CNTNAP5: variants seen among roughly 807,000 people sequenced by gnomAD.
CNTNAP5 encodes the protein contactin associated protein family member 5.
CNTNAP5 carries 72 observed loss-of-function variants against 150.2 expected under a neutral mutation model. The observed-to-expected ratio is 0.48, with a 90% CI of 0.40 to 0.58. The LOEUF is 0.58. Ranked by LOEUF, CNTNAP5 falls within the 20% of genes least tolerant of loss-of-function variation. The pLI, the probability that CNTNAP5 is intolerant of heterozygous loss-of-function variation, is 0.00. For synonymous variants in CNTNAP5, 672 were observed against 619.8 expected, an observed-to-expected ratio of 1.08 and a Z score of -1.25; for missense variants, 1,636 against 1,626.2, an observed-to-expected ratio of 1.01 and a Z score of -0.10.
intron 1 of CNTNAP5, among the ~76,000 whole-genome samples, chr2:124,082,996 A>T (rs1682593952): frequency 6.6e-6 from 1 of 152,096 alleles, no homozygotes; most frequent in African/African-American, 2.4e-5. Flanking sequence ...TCATTTACTT[A>T]CTGTTGTTTT....
intron 3 of CNTNAP5, among the ~76,000 whole-genome samples, chr2:124,386,853 A>C (rs1051412961): frequency 2.6e-5 from 4 of 152,148 alleles, no homozygotes; most frequent in African/African-American, 4.8e-5. Context: ...CCCTAATCCC[A>C]ATGTGATTGT....
chr2:124,208,411 TC>T (rs1331565421), intron 1 of CNTNAP5, among the ~76,000 whole-genome samples: 1 of 152,230 alleles, frequency 6.6e-6, no homozygotes, highest in Non-Finnish European at 1.5e-5. Flanking sequence ...TATACTTACC[TC>T]CATGTAATAC....
At chr2:124,745,426 T>C (rs1018217921) in intron 13 of CNTNAP5, among the ~76,000 whole-genome samples, 6 of 152,112 alleles carry the variant, frequency 3.9e-5, no homozygotes, top group African/African-American at 1.2e-4. Context: ...TACAAAATGC[T>C]TCACCCTCAT....
chr2:124,908,699 G>T (rs1678591552), intron 22 of CNTNAP5, among the ~76,000 whole-genome samples: 2 of 152,098 alleles, frequency 1.3e-5, no homozygotes, highest in African/African-American at 2.4e-5. Flanking sequence ...GTAGCATGTG[G>T]TACCTCTTGC....
intron 13 of CNTNAP5, among the ~76,000 whole-genome samples, chr2:124,743,048 C>T (rs907756257): frequency 6.6e-6 from 1 of 152,144 alleles, no homozygotes; most frequent in Non-Finnish European, 1.5e-5. Context: ...ATGTCACATG[C>T]AGGCAGCTGG....
intron 19 of CNTNAP5, among the ~76,000 whole-genome samples, chr2:124,825,038 C>G (rs1682563514): frequency 1.3e-5 from 2 of 152,154 alleles, no homozygotes; most frequent in Admixed American, 1.3e-4. Context: ...ATATTCTTAA[C>G]TATTGTAAAA....
chr2:124,800,149 TAGTC>T (rs1438940977), intron 19 of CNTNAP5, among the ~76,000 whole-genome samples: 12 of 152,162 alleles, frequency 7.9e-5, no homozygotes, highest in Non-Finnish European at 1.0e-4. Context: ...GGTTTCCCAA[TAGTC>T]AGCCAGCAGC....
intron 19 of CNTNAP5, among the ~76,000 whole-genome samples, chr2:124,806,965 T>C (rs1682095073): frequency 6.6e-6 from 1 of 151,958 alleles, no homozygotes; most frequent in South Asian, 2.1e-4. Context: ...GATTGAATGT[T>C]TAGCTTTTGG....
intron 13 of CNTNAP5, among the ~76,000 whole-genome samples, chr2:124,706,779 GAAGA>G (rs1679652243): frequency 2.9e-5 from 1 of 34,872 alleles, no homozygotes; most frequent in Non-Finnish European, 5.5e-5. Context: ...AGAAGAAGAA[GAAGA>G]AGAAGAAGAA....
At chr2:124,557,678 T>C (rs1339076558) in intron 10 of CNTNAP5, among the ~76,000 whole-genome samples, 1 of 151,906 alleles carries the variant, frequency 6.6e-6, no homozygotes, top group Admixed American at 6.6e-5. Flanking sequence ...CAGAAGATAA[T>C]ACACACTAAA....
chr2:124,064,499 C>T (rs2104657046), intron 1 of CNTNAP5, among the ~76,000 whole-genome samples: 1 of 152,266 alleles, frequency 6.6e-6, no homozygotes, highest in South Asian at 2.1e-4. Flanking sequence ...AGGGTCTTTG[C>T]ATACCTGGAT....
intron 3 of CNTNAP5, among the ~76,000 whole-genome samples, chr2:124,262,590 A>C (rs1687485962): frequency 6.6e-6 from 1 of 152,052 alleles, no homozygotes; most frequent in African/African-American, 2.4e-5. Flanking sequence ...TTTGCAGGTC[A>C]TTGAAAAGAC....
At chr2:124,676,986 A>T (rs72845079) in intron 13 of CNTNAP5, among the ~76,000 whole-genome samples, 3,248 of 152,198 alleles carry the variant, frequency 0.021, 44 homozygotes, top group Middle Eastern at 0.037. Context: ...TCAGTTCTTG[A>T]CATTTTGGAA....
At chr2:124,356,553 C>A (rs939805819) in intron 3 of CNTNAP5, among the ~76,000 whole-genome samples, 3 of 148,922 alleles carry the variant, frequency 2.0e-5, no homozygotes, top group Non-Finnish European at 4.4e-5. Context: ...TGAGAATATG[C>A]GGTGTTTGGT....
intron 2 of CNTNAP5, among the ~76,000 whole-genome samples, chr2:124,222,212 AT>A (rs1686339106): frequency 6.6e-6 from 1 of 152,062 alleles, no homozygotes; most frequent in African/African-American, 2.4e-5. Context: ...AATATTGCTG[AT>A]TTTTAAAATA....
At chr2:124,827,406 C>T (rs1573643593) in intron 19 of CNTNAP5, among the ~76,000 whole-genome samples, 2 of 152,234 alleles carry the variant, frequency 1.3e-5, no homozygotes, top group South Asian at 4.2e-4. Context: ...TCTGAGCAGC[C>T]AAGTCAGTGC....
intron 1 of CNTNAP5, among the ~76,000 whole-genome samples, chr2:124,212,666 T>A (rs1220565261): frequency 6.6e-6 from 1 of 152,128 alleles, no homozygotes; most frequent in African/African-American, 2.4e-5. Flanking sequence ...GTCAGAGTGA[T>A]GCCTTTGGAG....
chr2:124,540,814 T>C (rs1451632731), intron 10 of CNTNAP5, among the ~76,000 whole-genome samples: 9 of 152,094 alleles, frequency 5.9e-5, no homozygotes, highest in African/African-American at 2.2e-4. Context: ...GAAAGCTCCA[T>C]GGAAGGACAC....
chr2:124,594,254 G>A (rs1188179337), intron 11 of CNTNAP5, among the ~76,000 whole-genome samples: 6 of 130,410 alleles, frequency 4.6e-5, no homozygotes, highest in African/African-American at 1.4e-4. Context: ...TTCTTCTAGG[G>A]TTTTTATGGT....
Sources: gnomAD v4.1 joint callset for allele counts (sites outside exome capture counted in the v4.1 genomes callset) on GRCh38, gnomAD v4.1.1 for gene constraint, MANE v1.5 for transcripts, NCBI Gene and HGNC (gene_info 2026-07-23, HGNC 2026-07-21) for gene names.